The following ADGRV1 variants were observed in gnomAD, a reference collection of about 807,000 sequenced individuals.
The protein encoded by ADGRV1 is G-protein coupled receptor 98.
ADGRV1 carries 359 observed loss-of-function variants against 596.2 expected under a neutral mutation model. The ratio of observed to expected loss-of-function variants is 0.60; its 90% confidence interval spans 0.55 to 0.66. The LOEUF (loss-of-function observed/expected upper bound fraction) is 0.66. Among genes scored for constraint, ADGRV1 ranks in the 30% least tolerant of loss-of-function variants. The pLI is 0.00. For missense variants in ADGRV1, 7,274 were observed against 7,575.6 expected, an observed-to-expected ratio of 0.96 and a Z score of 1.48; for synonymous variants, 2,681 against 2,679.2, an observed-to-expected ratio of 1.00 and a Z score of -0.02.
rs1315085736 is a variant in ADGRV1 at position 90,819,332 on chromosome 5, GTCTA to G, written c.16196+3602_16196+3605del. Among the ~76,000 whole-genome samples, 13 of 151,574 alleles carry G rather than the reference GTCTA, an allele frequency of 8.6e-5. 1 individual carries two copies. Among genetic ancestry groups the G allele is most frequent in the African/African-American group, 9.8e-5 (4 of 40,970 alleles). ...TTTTTCTTTATTAGTCTTGCTAGCGGTCTATCTATTTTGTTGATCCTTTCAAAAA... is the reference window on the plus strand; with the variant it reads ...TTTTTCTTTATTAGTCTTGCTAGCGGTCTATTTTGTTGATCCTTTCAAAAA... On this transcript the variant is annotated intron_variant, in intron 75 of 89. Coordinates refer to ENST00000405460, the MANE Select transcript of ADGRV1 (RefSeq NM_032119.4).
chr5:90,995,004 G>T (rs141288106), intron 85 of ADGRV1, among the ~76,000 whole-genome samples: 1 of 152,256 alleles, frequency 6.6e-6, no homozygotes, highest in East Asian at 1.9e-4. Context: ...AGAGAGTCTA[G>T]GGCCTTCTCA....
Position 90,778,604 on chromosome 5 carries a change from C to A in ADGRV1, c.12844C>A (p.Gln4282Lys), listed in dbSNP as rs1241494266. Residue 4282 changes from glutamine to lysine, a missense_variant, in exon 63 of 90, where the codon CAG becomes AAG. Around this residue, in one of 5 missense-constraint regions of ADGRV1, gnomAD observed 3,643 missense variants for 3,809.2 expected, o/e 0.96. Transcript: ENST00000405460. ...SHEQLRVSEAQRVNITIIRSS... is the reference protein window; with the variant it reads ...SHEQLRVSEAKRVNITIIRSS... ...TGAGCAACTTCGAGTGTCAGAAGCA[C>A]AGAGGGTATAGTATGAAATGCTTAA... The A allele has an allele frequency of 6.3e-7, 1 of 1,594,000 alleles. No individual in the cohort carries two copies. The highest frequency in any genetic ancestry group is 2.2e-5 in the East Asian group (1 of 44,556).
At chr5:90,733,092 G>A (rs1752762036) in intron 50 of ADGRV1, among the ~76,000 whole-genome samples, 1 of 152,210 alleles carries the variant, frequency 6.6e-6, no homozygotes. Flanking sequence ...TTTAGCTGGG[G>A]TGAGAAATTA....
At position 90,716,581 on chromosome 5, in the gene ADGRV1, T is replaced by C; in HGVS notation, c.9299T>C (p.Val3100Ala). The change falls in exon 43 of 90, where the codon GTA (valine) becomes GCA (alanine). Residue 3100 changes from valine to alanine, a missense_variant. This residue lies in a region of ADGRV1 where 3,643 missense variants were observed against 3,809.2 expected (regional missense o/e 0.96). Transcript: ENST00000405460. ...CTCTACGTCCAGGAGAGTGTTGCAG[T>C]ATTGTACATTGTTCGGGAACCTGCA... ...TALYVQESVAVLYIVREPAQG... is the reference protein window; with the variant it reads ...TALYVQESVAALYIVREPAQG... The C allele has an allele frequency of 1.2e-6, 2 of 1,613,886 alleles. No homozygotes were observed. The highest frequency in any genetic ancestry group is 2.2e-5 in the South Asian group (2 of 91,074).
At position 90,815,717 on chromosome 5, in the gene ADGRV1, G is replaced by T; in HGVS notation, c.16177G>T (p.Val5393Phe). The T allele has an allele frequency of 6.4e-7, 1 of 1,556,008 alleles. No individual in the cohort carries two copies. The change falls in exon 75 of 90, where the codon GTC becomes TTC. Residue 5393 changes from valine to phenylalanine, a missense_variant. By Grantham distance (50) the Val-to-Phe change is conservative. Around this residue, in one of 5 missense-constraint regions of ADGRV1, gnomAD observed 1,874 missense variants for 1,970.2 expected, o/e 0.95. Transcript: ENST00000405460. ...TGTTATGAGAAGATTGCACCTTATT[G>T]TCACAAGACAGCCAAACAGGTATGT... ...GAVMRRLHLIVTRQPNRAFED... is the reference protein window; with the variant it reads ...GAVMRRLHLIFTRQPNRAFED...
intron 87 of ADGRV1, among the ~76,000 whole-genome samples, chr5:91,107,688 A>G (rs1305035590): frequency 1.3e-5 from 2 of 152,242 alleles, no homozygotes; most frequent in African/African-American, 4.8e-5. Context: ...ATGTTGAAAG[A>G]TCATCAAGAA....
At chr5:90,734,011 A>G (rs1752892599) in intron 50 of ADGRV1, among the ~76,000 whole-genome samples, 1 of 152,188 alleles carries the variant, frequency 6.6e-6, no homozygotes, top group Non-Finnish European at 1.5e-5. Context: ...TAGTGAGATC[A>G]TGCAGTATTT....
At chr5:91,024,986 T>C (rs1783908188) in intron 85 of ADGRV1, among the ~76,000 whole-genome samples, 1 of 152,172 alleles carries the variant, frequency 6.6e-6, no homozygotes, top group Non-Finnish European at 1.5e-5. Flanking sequence ...GAGTTTCCAT[T>C]GGTTATAAAC....
chr5:90,946,702 A>G (rs1179916571), intron 83 of ADGRV1, among the ~76,000 whole-genome samples: 2 of 152,010 alleles, frequency 1.3e-5, no homozygotes, highest in African/African-American at 4.8e-5. Flanking sequence ...TTTATAAGTG[A>G]GAACATGCGG....
At chr5:91,098,490 T>A (rs1324527953) in intron 86 of ADGRV1, among the ~76,000 whole-genome samples, 2 of 152,200 alleles carry the variant, frequency 1.3e-5, no homozygotes, top group African/African-American at 2.4e-5. Flanking sequence ...CTCCCTAATA[T>A]AAGCTTCAGG....
At chr5:90,917,279 A>G (rs941190745) in intron 83 of ADGRV1, among the ~76,000 whole-genome samples, 2 of 151,830 alleles carry the variant, frequency 1.3e-5, no homozygotes, top group South Asian at 4.1e-4. Context: ...ACAAATAGCT[A>G]TGTTTATAAA....
intron 83 of ADGRV1, among the ~76,000 whole-genome samples, chr5:90,912,364 A>G (rs187034185): frequency 2.0e-4 from 30 of 152,294 alleles, no homozygotes; most frequent in African/African-American, 6.5e-4. Flanking sequence ...TGCCAGCATC[A>G]TCTTTCTTAA....
intron 75 of ADGRV1, among the ~76,000 whole-genome samples, chr5:90,816,943 G>A (rs2150259175): frequency 6.6e-6 from 1 of 152,082 alleles, no homozygotes; most frequent in East Asian, 1.9e-4. Flanking sequence ...GGGATGGCTG[G>A]GTCAAATGGT....
At chr5:90,825,939 G>A (rs1189379548) in intron 76 of ADGRV1, 1 of 152,114 alleles carries the variant, frequency 6.6e-6, no homozygotes, top group Non-Finnish European at 1.5e-5. Flanking sequence ...ATTCTGAGAA[G>A]CAGCTAATTT....
At chr5:90,940,904 G>A (rs1332662002) in intron 83 of ADGRV1, among the ~76,000 whole-genome samples, 2 of 152,146 alleles carry the variant, frequency 1.3e-5, no homozygotes, top group African/African-American at 4.8e-5. Flanking sequence ...TAGGCCTAAT[G>A]TTTTCACAAA....
intron 85 of ADGRV1, among the ~76,000 whole-genome samples, chr5:91,071,345 G>A (rs1211665615): frequency 1.3e-5 from 2 of 152,086 alleles, no homozygotes; most frequent in African/African-American, 2.4e-5. Context: ...TTCTTCTTTT[G>A]AGGTTAAATA....
At chr5:90,735,227 A>G (rs1353660490) in intron 50 of ADGRV1, among the ~76,000 whole-genome samples, 3 of 152,188 alleles carry the variant, frequency 2.0e-5, no homozygotes, top group Non-Finnish European at 4.4e-5. Context: ...TCATTCTTCC[A>G]CATGTGGATA....
At chr5:90,560,795 C>T (rs549468008) in intron 1 of ADGRV1, among the ~76,000 whole-genome samples, 2 of 152,170 alleles carry the variant, frequency 1.3e-5, no homozygotes, top group South Asian at 4.1e-4. Context: ...AGAAAGTGAT[C>T]ATATGAGATA....
At chr5:90,681,106 C>T (rs1277455055) in intron 26 of ADGRV1, among the ~76,000 whole-genome samples, 4 of 152,198 alleles carry the variant, frequency 2.6e-5, no homozygotes, top group African/African-American at 9.6e-5. Flanking sequence ...AGCACTTGTA[C>T]ATCACGTTGG....
Sources: gnomAD v4.1 joint callset for allele counts (sites outside exome capture counted in the v4.1 genomes callset) on GRCh38, gnomAD v4.1.1 for gene constraint, gnomAD v4.1.1 regional missense constraint, MANE v1.5 for transcripts, NCBI Gene and HGNC (gene_info 2026-07-23, HGNC 2026-07-21) for gene names.